EPN2: variants seen among roughly 807,000 people sequenced by gnomAD.
EPN2 encodes the protein epsin-2.
EPN2 carries 34 observed loss-of-function variants against 61.7 expected under a neutral mutation model. That is an observed-to-expected ratio of 0.55 (90% CI 0.42 to 0.73). The LOEUF is 0.73. Among genes scored for constraint, EPN2 ranks in the 30% least tolerant of loss-of-function variants. The pLI, the probability that EPN2 is intolerant of heterozygous loss-of-function variation, is 0.00. For synonymous variants in EPN2, 349 were observed against 353.6 expected, an observed-to-expected ratio of 0.99 and a Z score of 0.15; for missense variants, 714 against 839.2, an observed-to-expected ratio of 0.85 and a Z score of 1.84.
At chr17:19,291,650 C>A (rs9900164) in intron 4 of EPN2, among the ~76,000 whole-genome samples, 4,905 of 152,130 alleles carry the variant, frequency 0.032, 271 homozygotes, top group African/African-American at 0.11. Context: ...CCGTGTTAGC[C>A]ATGATGGTCT....
intron 7 of EPN2, among the ~76,000 whole-genome samples, chr17:19,326,111 T>C (rs184379211): frequency 2.0e-5 from 3 of 152,262 alleles, no homozygotes; most frequent in Non-Finnish European, 2.9e-5. Context: ...CCAAAAGATA[T>C]TAAAACTTAA....
In EPN2 at chr17:19,285,997, TAGA is replaced by T. The variant is rs1188708201; in HGVS notation, c.766+210_766+212del. ...GCTTCCAGGATCACATGTCACTTGC[TAGA>T]AGTTCTGTCAAAGGTTTAGCAGGGG... On this transcript the variant is annotated intron_variant, in intron 4 of 10. Transcript: ENST00000314728. The surrounding 1 kb of genome is among the most constrained non-coding windows in gnomAD (Gnocchi z 4.5). 6.6e-6 allele frequency among the ~76,000 whole-genome samples: 1 copy of T among 152,194 alleles called. No individual in the cohort carries two copies. Among genetic ancestry groups the T allele is most frequent in the East Asian group, 1.9e-4 (1 of 5,188 alleles).
chr17:19,285,646 C>T lies in EPN2; in HGVS notation c.622C>T (p.His208Tyr). ...GCCTGAGGCCTCGCTGTGCCCCCAG[C>T]ACCGCACAGGGGCCCCGCTGGGTCA... The part of the protein sequence containing the change: ...GSPEASLCPQ[H>Y]RTGAPLGQSE... The change falls in exon 4 of 11, where the codon CAC (histidine) becomes TAC (tyrosine). Residue 208 changes from histidine to tyrosine, a missense_variant. Physicochemically the swap from His to Tyr is moderately conservative, Grantham distance 83. Coordinates refer to ENST00000314728, the MANE Select transcript of EPN2 (RefSeq NM_014964.5). This position sits in a 1 kb window ranked among gnomAD's most constrained non-coding sequence, Gnocchi z 4.5. 6.4e-7 allele frequency: 1 copy of T among 1,563,606 alleles called. No homozygotes were observed. Among genetic ancestry groups the T allele is most frequent in the Non-Finnish European group, 8.7e-7 (1 of 1,154,920 alleles).
chr17:19,276,360 A>ATTTTTTTT (rs140536354), intron 1 of EPN2: 10 of 79,970 alleles, frequency 1.3e-4, no homozygotes, highest in Admixed American at 4.0e-4. Context: ...GCTAATTAAA[A>ATTTTTTTT]TTTTTTTTTT....
At chr17:19,274,822 A>G (rs2045290412) in intron 1 of EPN2, among the ~76,000 whole-genome samples, 1 of 152,004 alleles carries the variant, frequency 6.6e-6, no homozygotes, top group African/African-American at 2.4e-5. Context: ...GCACATTTTT[A>G]TGGAATACTT....
intron 1 of EPN2, chr17:19,273,969 G>A (rs746924466): frequency 2.6e-5 from 4 of 152,240 alleles, no homozygotes; most frequent in African/African-American, 4.8e-5. Flanking sequence ...GAGAGCCCGT[G>A]TGGTTTGGTC....
chr17:19,288,133 C>T (rs2045423718), intron 4 of EPN2, among the ~76,000 whole-genome samples: 1 of 152,224 alleles, frequency 6.6e-6, no homozygotes, highest in Admixed American at 6.5e-5. Flanking sequence ...TTGCTTCCAC[C>T]AGCTGTGTCC....
chr17:19,314,188 GTT>G (rs1906277840), intron 7 of EPN2, among the ~76,000 whole-genome samples: 1 of 152,184 alleles, frequency 6.6e-6, no homozygotes, highest in African/African-American at 2.4e-5. Context: ...CCTGTTGTCT[GTT>G]GTCAAGGCCC....
At chr17:19,250,283 A>G (rs1327473251) in intron 1 of EPN2, among the ~76,000 whole-genome samples, 1 of 151,864 alleles carries the variant, frequency 6.6e-6, no homozygotes, top group Non-Finnish European at 1.5e-5. Flanking sequence ...TTTAATAGAG[A>G]TAGGGTTTCA....
intron 1 of EPN2, among the ~76,000 whole-genome samples, chr17:19,270,420 C>A (rs927404715): frequency 6.6e-6 from 1 of 152,170 alleles, no homozygotes; most frequent in African/African-American, 2.4e-5. Flanking sequence ...TGCCACCCAC[C>A]CCTCTGGTAG....
At chr17:19,313,375 C>T (rs746275910) in intron 7 of EPN2, 96 bp downstream of exon 7, 43 of 1,227,860 alleles carry the variant, frequency 3.5e-5, no homozygotes, top group East Asian at 8.5e-5. Context: ...TGGGTCTGGT[C>T]GATTGTGGTG....
intron 1 of EPN2, among the ~76,000 whole-genome samples, chr17:19,254,473 A>T (rs2045051288): frequency 6.6e-6 from 1 of 152,082 alleles, no homozygotes; most frequent in Non-Finnish European, 1.5e-5. Flanking sequence ...CCCAGGAGGC[A>T]GAGGTTGCAG....
intron 7 of EPN2, among the ~76,000 whole-genome samples, chr17:19,327,575 C>T (rs576085107): frequency 9.9e-4 from 150 of 152,020 alleles, no homozygotes; most frequent in African/African-American, 3.5e-3. Context: ...TGGGAGGCGG[C>T]GGTGGGAGGA....
intron 4 of EPN2, among the ~76,000 whole-genome samples, chr17:19,303,076 A>G (rs1905613611): frequency 6.6e-6 from 1 of 152,258 alleles, no homozygotes; most frequent in Non-Finnish European, 1.5e-5. Flanking sequence ...AGAAAATGTG[A>G]ACAGCTGTTT....
intron 1 of EPN2, among the ~76,000 whole-genome samples, chr17:19,261,434 C>T (rs1421501152): frequency 6.6e-6 from 1 of 152,188 alleles, no homozygotes; most frequent in African/African-American, 2.4e-5. Context: ...GGTTTTTTCT[C>T]AATTTCTGAA....
chr17:19,275,960 T>C (rs2152214212), intron 1 of EPN2, among the ~76,000 whole-genome samples: 1 of 152,334 alleles, frequency 6.6e-6, no homozygotes, highest in East Asian at 1.9e-4. Context: ...CCTCAAGCAT[T>C]CAGTTTCTTT....
At chr17:19,266,945 G>A (rs1012272527) in intron 1 of EPN2, among the ~76,000 whole-genome samples, 1 of 147,074 alleles carries the variant, frequency 6.8e-6, no homozygotes, top group Admixed American at 6.7e-5. Flanking sequence ...CCAGCACTTT[G>A]GGAGGCTGAG....
At chr17:19,299,059 A>G (rs1243842268) in intron 4 of EPN2, among the ~76,000 whole-genome samples, 1 of 152,212 alleles carries the variant, frequency 6.6e-6, no homozygotes, top group Non-Finnish European at 1.5e-5. Flanking sequence ...AATGTTTTCC[A>G]AACAGACTGT....
intron 4 of EPN2, among the ~76,000 whole-genome samples, chr17:19,300,866 A>G (rs547661845): frequency 1.3e-5 from 2 of 152,184 alleles, no homozygotes; most frequent in Admixed American, 6.5e-5. Flanking sequence ...TCCAGGTATC[A>G]AGGTGTTAAG....
Sources: allele counts gnomAD v4.1 joint callset (sites outside exome capture counted in the v4.1 genomes callset), GRCh38; gene constraint gnomAD v4.1.1; non-coding constraint Gnocchi (gnomAD v3.1); transcripts MANE v1.5; gene names NCBI Gene and HGNC (gene_info 2026-07-23, HGNC 2026-07-21).